NEMP2: variants seen among roughly 807,000 people sequenced by gnomAD.
NEMP2 encodes nuclear envelope integral membrane protein 2.
Under a neutral mutation model 54.2 loss-of-function variants are expected in NEMP2, and 53 were observed. That is an observed-to-expected ratio of 0.98 (90% confidence interval 0.78 to 1.23). The LOEUF (loss-of-function observed/expected upper bound fraction) is 1.23, where lower values mean the gene tolerates loss of function less well. Ranked by LOEUF, NEMP2 falls within the 50% of genes most tolerant of loss-of-function variation. The pLI is 0.00. For synonymous variants in NEMP2, 197 were observed against 190.3 expected, an observed-to-expected ratio of 1.04 and a Z score of -0.29; for missense variants, 455 against 511.3, an observed-to-expected ratio of 0.89 and a Z score of 1.06.
the NEMP2 span, among the ~76,000 whole-genome samples, chr2:190,570,421 T>C: frequency 1.3e-5 from 2 of 152,192 alleles, no homozygotes; most frequent in South Asian, 4.1e-4. The surrounding 1 kb of genome is among the most constrained non-coding windows in gnomAD (Gnocchi z 5.4). Context: ...TAAAAAGAAC[T>C]CTGGAGAAAG....
At chr2:190,516,447 C>T in intron 5 of NEMP2, 63 bp from the exon 6 acceptor site, 1 of 1,242,972 alleles carries the variant, frequency 8.0e-7, no homozygotes, top group Non-Finnish European at 1.1e-6. Flanking sequence ...AAAATAAAAG[C>T]AAACAAATAA....
At chr2:190,435,267 G>A in the NEMP2 span, 1 of 152,166 alleles carries the variant, frequency 6.6e-6, no homozygotes, top group African/African-American at 2.4e-5. Context: ...GGGCTATTGT[G>A]ATGAATATGA....
chr2:190,584,194 T>A, the NEMP2 span, among the ~76,000 whole-genome samples: 4 of 152,190 alleles, frequency 2.6e-5, no homozygotes, highest in Non-Finnish European at 4.4e-5. This position sits in a 1 kb window ranked among gnomAD's most constrained non-coding sequence, Gnocchi z 4.2. Context: ...AATGCTTTCC[T>A]CTGAGGTCAA....
In NEMP2 at chr2:190,509,192, G is replaced by C; in HGVS notation, c.1251C>G (p.Ala417=). The change falls in exon 9 of 9, where the codon GCC becomes GCG. Residue 417 remains alanine (A), a synonymous_variant. Coordinates refer to ENST00000409150, the MANE Select transcript of NEMP2 (RefSeq NM_001142645.2). The surrounding 1 kb of genome is among the most constrained non-coding windows in gnomAD (Gnocchi z 6.1). ...LEEQLFNPST[A] ...AAGTCAACTTGAAGGTCGCATGTCA[G>C]GCAGTACTCGGGTTAAAGAGCTGCT... 6.4e-7 allele frequency: 1 copy of C among 1,551,548 alleles called. No homozygotes were observed. Among genetic ancestry groups the C allele is most frequent in the Non-Finnish European group, 8.7e-7 (1 of 1,146,962 alleles).
the NEMP2 span, among the ~76,000 whole-genome samples, chr2:190,572,846 T>TATATATATATATATAC: frequency 9.2e-6 from 1 of 108,364 alleles, no homozygotes; most frequent in African/African-American, 3.5e-5. Flanking sequence ...TATATATATA[T>TATATATATATATATAC]ATATATATAT....
At chr2:190,596,791 A>G in the NEMP2 span, among the ~76,000 whole-genome samples, 1 of 152,082 alleles carries the variant, frequency 6.6e-6, no homozygotes, top group African/African-American at 2.4e-5. This position sits in a 1 kb window ranked among gnomAD's most constrained non-coding sequence, Gnocchi z 5.1. Flanking sequence ...TCTGGGTAGT[A>G]AGAGAAAACA....
intron 6 of NEMP2, among the ~76,000 whole-genome samples, chr2:190,515,630 A>G (rs1188001224): frequency 6.6e-6 from 1 of 152,212 alleles, no homozygotes; most frequent in Non-Finnish European, 1.5e-5. Context: ...AAAAAGAAGA[A>G]CGAGCTAAAA....
the NEMP2 span, among the ~76,000 whole-genome samples, chr2:190,474,068 G>A: frequency 9.9e-5 from 15 of 152,158 alleles, no homozygotes; most frequent in African/African-American, 2.2e-4. Flanking sequence ...TCAAAGCAGT[G>A]TGTAGAGGGA....
At chr2:190,627,088 T>G in the NEMP2 span, among the ~76,000 whole-genome samples, 1 of 152,364 alleles carries the variant, frequency 6.6e-6, no homozygotes, top group South Asian at 2.1e-4. The surrounding 1 kb of genome is among the most constrained non-coding windows in gnomAD (Gnocchi z 4.4). Context: ...TATTTACTTA[T>G]TTGGCAGTTA....
At chr2:190,466,313 T>C in the NEMP2 span, among the ~76,000 whole-genome samples, 2 of 152,220 alleles carry the variant, frequency 1.3e-5, no homozygotes, top group Non-Finnish European at 2.9e-5. Flanking sequence ...ACTATGGCAG[T>C]TTAAATATCC....
chr2:190,454,694 T>C, the NEMP2 span, among the ~76,000 whole-genome samples: 4 of 152,090 alleles, frequency 2.6e-5, no homozygotes, highest in African/African-American at 9.7e-5. The surrounding 1 kb of genome is among the most constrained non-coding windows in gnomAD (Gnocchi z 4.6). Flanking sequence ...TAAATGTCTA[T>C]TGCTTAACCC....
chr2:190,444,555 A>G, the NEMP2 span, among the ~76,000 whole-genome samples: 1 of 152,148 alleles, frequency 6.6e-6, no homozygotes, highest in African/African-American at 2.4e-5. Context: ...AGTGTAGGGG[A>G]GATTTTATGG....
Position 190,529,113 on chromosome 2 carries a change from G to A in NEMP2, c.98-3735C>T, listed in dbSNP as rs1691050035. On this transcript the variant is annotated intron_variant, in intron 1 of 8. Coordinates refer to ENST00000409150, the MANE Select transcript of NEMP2 (RefSeq NM_001142645.2). This position sits in a 1 kb window ranked among gnomAD's most constrained non-coding sequence, Gnocchi z 4.7. ...ATTTCGCTTGAACCTGGGAGGCGAGGTTGCAGTGAGCTGAGATCACACCAC... is the reference window on the plus strand; with the variant it reads ...ATTTCGCTTGAACCTGGGAGGCGAGATTGCAGTGAGCTGAGATCACACCAC... 6.6e-6 allele frequency among the ~76,000 whole-genome samples: 1 copy of A among 152,124 alleles called. No homozygotes were observed. Among genetic ancestry groups the A allele is most frequent in the Non-Finnish European group, 1.5e-5 (1 of 68,024 alleles).
chr2:190,636,885 C>T, the NEMP2 span, among the ~76,000 whole-genome samples: 1 of 152,200 alleles, frequency 6.6e-6, no homozygotes, highest in Non-Finnish European at 1.5e-5. Flanking sequence ...TTCTTCCTCC[C>T]CCTTTATCCA....
chr2:190,465,036 ACT>A, the NEMP2 span: 1 of 499,452 alleles, frequency 2.0e-6, no homozygotes, highest in Non-Finnish European at 2.6e-6. The surrounding 1 kb of genome is among the most constrained non-coding windows in gnomAD (Gnocchi z 4.6). Context: ...TATCTTGAAC[ACT>A]CTTGAAAAAA....
the NEMP2 span, among the ~76,000 whole-genome samples, chr2:190,590,791 C>CT: frequency 6.6e-6 from 1 of 152,136 alleles, no homozygotes; most frequent in South Asian, 2.1e-4. The surrounding 1 kb of genome is among the most constrained non-coding windows in gnomAD (Gnocchi z 5.1). Context: ...GTAATAAAGC[C>CT]TTTTGTCTTA....
chr2:190,623,722 T>C, the NEMP2 span, among the ~76,000 whole-genome samples: 1 of 151,770 alleles, frequency 6.6e-6, no homozygotes, highest in Non-Finnish European at 1.5e-5. Flanking sequence ...GAAGAAAACA[T>C]TGGGGGAAAT....
At chr2:190,556,657 A>C in the NEMP2 span, among the ~76,000 whole-genome samples, 1 of 152,230 alleles carries the variant, frequency 6.6e-6, no homozygotes, top group African/African-American at 2.4e-5. Context: ...GAATGTGCAA[A>C]AATCACAAGC....
the NEMP2 span, among the ~76,000 whole-genome samples, chr2:190,480,853 CA>C: frequency 6.6e-6 from 1 of 151,974 alleles, no homozygotes; most frequent in East Asian, 1.9e-4. Flanking sequence ...TGTTAGAAAA[CA>C]TACAATACAA....
Sources: allele counts gnomAD v4.1 joint callset (sites outside exome capture counted in the v4.1 genomes callset), GRCh38; gene constraint gnomAD v4.1.1; non-coding constraint Gnocchi (gnomAD v3.1); transcripts MANE v1.5; gene names NCBI Gene and HGNC (gene_info 2026-07-23, HGNC 2026-07-21).